EPHA6: variants seen among roughly 807,000 people sequenced by gnomAD.
EPHA6 encodes EPH receptor A6.
In EPHA6, 50 loss-of-function variants were observed where a neutral mutation model predicts 112.0. The observed-to-expected ratio is 0.45, with a 90% CI of 0.36 to 0.56. EPHA6 has a LOEUF of 0.56. Among genes scored for constraint, EPHA6 ranks in the 20% least tolerant of loss-of-function variants. The probability of loss-of-function intolerance (pLI) is 0.00; values close to 1 mark genes in which losing one functional copy is unlikely to be tolerated. For synonymous variants in EPHA6, 529 were observed against 490.7 expected, an observed-to-expected ratio of 1.08 and a Z score of -1.03; for missense variants, 1,280 against 1,417.4, an observed-to-expected ratio of 0.90 and a Z score of 1.56.
At chr3:97,023,378 C>T (rs1040938876) in intron 3 of EPHA6, among the ~76,000 whole-genome samples, 2 of 152,038 alleles carry the variant, frequency 1.3e-5, no homozygotes, top group African/African-American at 4.8e-5. Context: ...CGCTCTCGGC[C>T]CTTTGTTTTG....
chr3:96,924,994 T>C (rs769024179), intron 2 of EPHA6, among the ~76,000 whole-genome samples: 2 of 152,140 alleles, frequency 1.3e-5, no homozygotes, highest in Non-Finnish European at 2.9e-5. Flanking sequence ...GCCAACTTAA[T>C]TGTGGTGGAT....
intron 2 of EPHA6, among the ~76,000 whole-genome samples, chr3:96,975,250 C>T (rs2042475876): frequency 6.6e-6 from 1 of 151,998 alleles, no homozygotes; most frequent in Non-Finnish European, 1.5e-5. Flanking sequence ...GGGCTGTAGA[C>T]TTGGGAGGGG....
At chr3:96,928,525 T>G (rs1314688113) in intron 2 of EPHA6, among the ~76,000 whole-genome samples, 1 of 152,084 alleles carries the variant, frequency 6.6e-6, no homozygotes, top group Non-Finnish European at 1.5e-5. Flanking sequence ...TGCTTTGGAG[T>G]ATTTTACTTC....
intron 14 of EPHA6, among the ~76,000 whole-genome samples, chr3:97,663,484 C>A (rs1370138448): frequency 7.7e-6 from 1 of 130,260 alleles, no homozygotes; most frequent in African/African-American, 2.8e-5. Flanking sequence ...TCGCTCCCCC[C>A]TCCCCCCACC....
chr3:97,498,790 T>G (rs1475012076), intron 10 of EPHA6, among the ~76,000 whole-genome samples: 5 of 152,148 alleles, frequency 3.3e-5, no homozygotes, highest in Non-Finnish European at 7.3e-5. Flanking sequence ...GGTTGCGTGC[T>G]CCTTATGAGA....
intron 7 of EPHA6, chr3:97,466,527 C>A: frequency 1.2e-6 from 1 of 843,434 alleles, no homozygotes; most frequent in Admixed American, 1.8e-5. Context: ...GGGCCAAATC[C>A]AGGCTCTCCA....
intron 11 of EPHA6, among the ~76,000 whole-genome samples, chr3:97,575,178 G>T (rs1019272804): frequency 6.6e-6 from 1 of 152,004 alleles, no homozygotes; most frequent in Non-Finnish European, 1.5e-5. Flanking sequence ...ATATAGACTT[G>T]TGGTACACTA....
intron 3 of EPHA6, among the ~76,000 whole-genome samples, chr3:97,052,988 A>G (rs2045734834): frequency 1.3e-5 from 2 of 152,086 alleles, no homozygotes; most frequent in Non-Finnish European, 2.9e-5. Context: ...GAGGTGAGGT[A>G]TATATAAAAT....
At chr3:97,473,149 A>G (rs1367198663) in intron 7 of EPHA6, among the ~76,000 whole-genome samples, 1 of 151,792 alleles carries the variant, frequency 6.6e-6, no homozygotes, top group African/African-American at 2.4e-5. Flanking sequence ...CTCCCAGTAT[A>G]ATAGTGTTTC....
At chr3:97,593,394 A>G (rs1299641577) in intron 12 of EPHA6, among the ~76,000 whole-genome samples, 3 of 152,222 alleles carry the variant, frequency 2.0e-5, no homozygotes, top group Non-Finnish European at 4.4e-5. Context: ...CCTGACATTT[A>G]GTAAAATATC....
At chr3:96,881,221 A>G (rs1576223808) in intron 2 of EPHA6, among the ~76,000 whole-genome samples, 1 of 152,106 alleles carries the variant, frequency 6.6e-6, no homozygotes, top group East Asian at 1.9e-4. Flanking sequence ...TAATGTATGT[A>G]GAAATTGATA....
chr3:97,105,485 T>TGGAA, intron 3 of EPHA6, among the ~76,000 whole-genome samples: 1 of 152,156 alleles, frequency 6.6e-6, no homozygotes, highest in African/African-American at 2.4e-5. Context: ...AAGTCTTGAT[T>TGGAA]TCTGTTTCTA....
intron 11 of EPHA6, among the ~76,000 whole-genome samples, chr3:97,585,912 A>C (rs1206667763): frequency 6.6e-6 from 1 of 152,244 alleles, no homozygotes; most frequent in East Asian, 1.9e-4. Context: ...TATTTATGGA[A>C]TAAATTAAGT....
chr3:96,888,748 C>A (rs2037782272), intron 2 of EPHA6, among the ~76,000 whole-genome samples: 1 of 152,200 alleles, frequency 6.6e-6, no homozygotes, highest in Admixed American at 6.5e-5. Context: ...AGACCCCTGA[C>A]ATGGTCTGGA....
chr3:97,484,244 T>G (rs1272276222), intron 10 of EPHA6, among the ~76,000 whole-genome samples, 185 bp downstream of exon 10: 1 of 152,210 alleles, frequency 6.6e-6, no homozygotes, highest in Non-Finnish European at 1.5e-5. Flanking sequence ...TTCCAAACAA[T>G]GACAACATTC....
At chr3:97,242,602 T>C (rs945807668) in intron 4 of EPHA6, among the ~76,000 whole-genome samples, 1 of 151,874 alleles carries the variant, frequency 6.6e-6, no homozygotes, top group Admixed American at 6.6e-5. Context: ...CCATGTCTTA[T>C]CTCTGTAAGC....
intron 2 of EPHA6, among the ~76,000 whole-genome samples, chr3:96,985,675 CT>C (rs2042995918): frequency 6.6e-6 from 1 of 151,960 alleles, no homozygotes; most frequent in South Asian, 2.1e-4. Flanking sequence ...GGAAAATGCC[CT>C]CTGGATTTCA....
chr3:97,413,561 A>G (rs1034804564), intron 6 of EPHA6, among the ~76,000 whole-genome samples: 1 of 152,058 alleles, frequency 6.6e-6, no homozygotes, highest in African/African-American at 2.4e-5. Flanking sequence ...TTTACATAAG[A>G]TAAACTAAGC....
intron 3 of EPHA6, among the ~76,000 whole-genome samples, chr3:97,097,000 T>C (rs1012674045): frequency 6.6e-6 from 1 of 151,656 alleles, no homozygotes; most frequent in Non-Finnish European, 1.5e-5. Context: ...TTTATTTAAA[T>C]AAAAATTCAA....
Sources: gnomAD v4.1 joint callset for allele counts (sites outside exome capture counted in the v4.1 genomes callset) on GRCh38, gnomAD v4.1.1 for gene constraint, MANE v1.5 for transcripts, NCBI Gene and HGNC (gene_info 2026-07-23, HGNC 2026-07-21) for gene names.